Variants in MCM9 observed in about 807,000 individuals in gnomAD.
The protein encoded by MCM9 is minichromosome maintenance 9 homologous recombination repair factor.
MCM9 carries 55 observed loss-of-function variants against 72.8 expected under a neutral mutation model. The observed-to-expected ratio is 0.76, with a 90% CI of 0.61 to 0.95. The LOEUF is 0.95. Among genes scored for constraint, MCM9 ranks in the 40% least tolerant of loss-of-function variants. The pLI is 0.00. For missense variants in MCM9, 1,279 were observed against 1,377.0 expected (o/e 0.93, Z 1.13); for synonymous variants, 480 against 503.4 (o/e 0.95, Z 0.62).
At chr6:118,870,671 A>G (rs927522969) in intron 8 of MCM9, among the ~76,000 whole-genome samples, 5 of 152,170 alleles carry the variant, frequency 3.3e-5, no homozygotes, top group African/African-American at 1.2e-4. Context: ...ACAATAGAAA[A>G]GATAAACAAA....
intron 9 of MCM9, among the ~76,000 whole-genome samples, chr6:118,833,831 G>A (rs997555769): frequency 3.3e-5 from 5 of 152,190 alleles, no homozygotes; most frequent in Non-Finnish European, 7.3e-5. Context: ...CAGTTTGCAA[G>A]ACGGAAAGAG....
At chr6:118,862,326 C>G (rs148521032) in intron 8 of MCM9, among the ~76,000 whole-genome samples, 21 of 152,298 alleles carry the variant, frequency 1.4e-4, no homozygotes, top group Non-Finnish European at 2.6e-4. Flanking sequence ...ATGGAGCGTA[C>G]AGCCCTGGCC....
chr6:118,923,674 A>G (rs1319338149), intron 4 of MCM9, 137 bp downstream of exon 4: 3 of 720,276 alleles, frequency 4.2e-6, no homozygotes, highest in Non-Finnish European at 6.8e-6. Context: ...TATGTGGAAC[A>G]GTTTCGAGCT....
intron 8 of MCM9, among the ~76,000 whole-genome samples, chr6:118,877,819 G>A (rs1778031683): frequency 6.6e-6 from 1 of 152,082 alleles, no homozygotes; most frequent in African/African-American, 2.4e-5. Context: ...CAGAACAGAT[G>A]AATAAATTGT....
At chr6:118,821,689 TCTC>T (rs1191788259) in intron 13 of MCM9, among the ~76,000 whole-genome samples, 1 of 152,288 alleles carries the variant, frequency 6.6e-6, no homozygotes, top group African/African-American at 2.4e-5. Flanking sequence ...TTGGGGAAGT[TCTC>T]CTGGAAAATA....
intron 8 of MCM9, among the ~76,000 whole-genome samples, chr6:118,881,588 G>T (rs1778291410): frequency 6.6e-6 from 1 of 152,094 alleles, no homozygotes; most frequent in Non-Finnish European, 1.5e-5. Flanking sequence ...TAGCAAACCA[G>T]GAATAATGAC....
In MCM9 at chr6:118,826,982, T is replaced by G. The variant is rs1024970360; in HGVS notation, c.1733-118A>C. 49 of 781,542 alleles carry G rather than the reference T, an allele frequency of 6.3e-5. No individual in the cohort carries two copies. In the East Asian group the frequency reaches 8.1e-4, roughly 13 times the overall value. 48.4% of individuals were successfully genotyped at this position (781,542 alleles called of 1,614,324 possible). ...AATGAGCTATTAATAACAACATAAT[T>G]TTACTAGAACAAGCACAAAAGTCAA... On this transcript the variant is annotated intron_variant, in intron 11 of 13. Transcript: ENST00000619706.
At chr6:118,890,584 C>A (rs1445966936) in intron 8 of MCM9, among the ~76,000 whole-genome samples, 1 of 152,120 alleles carries the variant, frequency 6.6e-6, no homozygotes, top group Non-Finnish European at 1.5e-5. Flanking sequence ...TTATCTTTGA[C>A]TATTTCTCAC....
chr6:118,838,048 A>C (rs1194002951), intron 9 of MCM9, among the ~76,000 whole-genome samples: 2 of 152,090 alleles, frequency 1.3e-5, no homozygotes, highest in Non-Finnish European at 2.9e-5. Context: ...CTTGTAAGGC[A>C]GGCCTGGTGG....
chr6:118,853,626 C>T (rs985358799), intron 9 of MCM9, among the ~76,000 whole-genome samples: 1 of 151,956 alleles, frequency 6.6e-6, no homozygotes, highest in East Asian at 1.9e-4. Flanking sequence ...ATAGCAAGAC[C>T]CCACCTCTAC....
Position 118,913,411 on chromosome 6 carries a change from ACATTCCTTC to A in MCM9, c.905_913del (p.Gly302_Asn304del). 6.2e-7 allele frequency: 1 copy of A among 1,612,416 alleles called. No individual in the cohort carries two copies. The highest frequency in any genetic ancestry group is 8.5e-7 in the Non-Finnish European group (1 of 1,179,554). On this transcript the variant is annotated inframe_deletion and splice_region_variant, in exon 7 of 14. Coordinates refer to ENST00000619706, the MANE Select transcript of MCM9 (RefSeq NM_017696.3). ...TTGAGGGCACAAGCTAGCCAATATT[ACATTCCTTC>A]CTAGGAAAAGCAGAAAGATCAGAAA...
rs1779192380 is a variant in MCM9, at chr6:118,894,334, G to A, written c.1150+17316C>T. 5 of 1,528,898 alleles carry A rather than the reference G, an allele frequency of 3.3e-6. No individual in the cohort carries two copies. In the East Asian group the frequency reaches 1.2e-4, roughly 37 times the overall value. The allele number at this position is 1,528,898 out of a possible 1,614,324, so 94.7% of individuals were successfully genotyped here. A position where few individuals can be genotyped will look rare whatever the true frequency, so the allele number is the denominator to read the frequency against. On this transcript the variant is annotated intron_variant, in intron 8 of 13. Transcript: ENST00000619706. Reference sequence around the variant, plus strand: ...GGCCGGCGCTGGAGCGGGGGTCTGCGCTCTCCCGAGCGGCCGCGCGCTGGA... The same window carrying A: ...GGCCGGCGCTGGAGCGGGGGTCTGCACTCTCCCGAGCGGCCGCGCGCTGGA...
In MCM9 at chr6:118,815,128, C is replaced by A. The variant is rs1338198419; in HGVS notation, c.3128G>T (p.Gly1043Val). 4 of 1,550,602 alleles carry A rather than the reference C, an allele frequency of 2.6e-6. 1 individual carries two copies. The South Asian group carries it at 3.6e-5, about 14-fold the overall frequency. ...CEGDKKEEVS[G>V]SNKSGKVHAC... ...ATGAACCTTGCCGCTTTTATTACTG[C>A]CTGAAACCTCTTCCTTTTTGTCTCC... is the stretch of plus-strand genomic sequence containing the variant. Residue 1043 changes from glycine (G) to valine (V), a missense_variant, in exon 14 of 14, where the codon GGC becomes GTC. Physicochemically the swap from Gly to Val is moderately radical, Grantham distance 109. Transcript: ENST00000619706.
At chr6:118,929,834 G>A (rs1265915544) in intron 3 of MCM9, among the ~76,000 whole-genome samples, 1 of 152,002 alleles carries the variant, frequency 6.6e-6, no homozygotes, top group African/African-American at 2.4e-5. Context: ...TGATGGGGGG[G>A]ACCCTTTTTC....
At position 118,826,234 on chromosome 6, in the gene MCM9, C is replaced by T; in HGVS notation, c.1874G>A (p.Gly625Glu). ...TTCACACTGTCTCTGGTACTGCTCT[C>T]CAGGGTTTTCAGGAAAGGAAGTGTG... ...ALHTSFPENP[G>E]EQYQRQCELI... Residue 625 changes from glycine (G) to glutamate (E), a missense_variant, in exon 13 of 14, where the codon GGA becomes GAA. Transcript: ENST00000619706. 6.4e-7 allele frequency: 1 copy of T among 1,550,472 alleles called. No individual in the cohort carries two copies. The highest frequency in any genetic ancestry group is 8.7e-7 in the Non-Finnish European group (1 of 1,146,936).
At chr6:118,890,564 T>G (rs1470742882) in intron 8 of MCM9, among the ~76,000 whole-genome samples, 1 of 152,242 alleles carries the variant, frequency 6.6e-6, no homozygotes, top group Non-Finnish European at 1.5e-5. Context: ...CCATAAGGTC[T>G]TTGTATGTCT....
intron 8 of MCM9, 182 bp downstream of exon 8, chr6:118,911,468 G>A (rs1780540066): frequency 7.6e-7 from 1 of 1,312,320 alleles, no homozygotes; most frequent in South Asian, 2.4e-5. Flanking sequence ...AAGTGAAGGT[G>A]GAGCTTGCAA....
At chr6:118,899,500 C>A (rs926660774) in intron 8 of MCM9, among the ~76,000 whole-genome samples, 6 of 152,160 alleles carry the variant, frequency 3.9e-5, no homozygotes, top group Non-Finnish European at 5.9e-5. Context: ...TCCTCTCTAT[C>A]TCCATCAACA....
intron 1 of MCM9, 73 bp downstream of exon 1, chr6:118,934,818 T>A (rs1367041435): frequency 1.3e-5 from 2 of 152,256 alleles, no homozygotes; most frequent in Non-Finnish European, 2.9e-5. Flanking sequence ...TTTGAAGTAA[T>A]GAGACGGGAA....
Sources: allele counts gnomAD v4.1 joint callset (sites outside exome capture counted in the v4.1 genomes callset), GRCh38; gene constraint gnomAD v4.1.1; transcripts MANE v1.5; gene names NCBI Gene and HGNC (gene_info 2026-07-23, HGNC 2026-07-21).